EP300: variants seen among roughly 807,000 people sequenced by gnomAD.
The protein encoded by EP300 is EP300 lysine acetyltransferase, also known as histone acetyltransferase p300.
Under a neutral mutation model 264.0 loss-of-function variants are expected in EP300, and 31 were observed. That is an observed-to-expected ratio of 0.12 (90% confidence interval 0.09 to 0.16). The LOEUF is 0.16. EP300 is among the 10% of genes least tolerant of loss of function. The probability of loss-of-function intolerance (pLI) is 1.00; values close to 1 mark genes in which losing one functional copy is unlikely to be tolerated. For synonymous variants in EP300, 1,340 were observed against 1,045.4 expected (o/e 1.28, Z -5.44); for missense variants, 2,766 against 3,052.9 (o/e 0.91, Z 2.21).
chr22:41,106,827 G>A (rs1490716088), intron 1 of EP300, among the ~76,000 whole-genome samples: 2 of 152,080 alleles, frequency 1.3e-5, no homozygotes, highest in Admixed American at 1.3e-4. Context: ...AAACTCCTGG[G>A]CTCAAGCAGC....
At chr22:41,100,075 T>C (rs559847755) in intron 1 of EP300, among the ~76,000 whole-genome samples, 121 of 151,982 alleles carry the variant, frequency 8.0e-4, no homozygotes, top group African/African-American at 2.9e-3. Context: ...AGAAAAAAAA[T>C]TTAAAAAGTC....
In EP300 at chr22:41,092,969, TG is replaced by T. The variant is rs1459032415; in HGVS notation, c.-34del. ...CGAAGAAGAGATTTCCTGAGGATTC[TG>T]GTTTTCCTCGCTTGTATCTCCGAAA... On this transcript the variant is annotated 5_prime_UTR_variant, in exon 1 of 31. Coordinates refer to ENST00000263253, the MANE Select transcript of EP300 (RefSeq NM_001429.4). 1 of 1,611,906 alleles carries T rather than the reference TG, an allele frequency of 6.2e-7. No individual in the cohort carries two copies. Among genetic ancestry groups the T allele is most frequent in the Admixed American group, 1.7e-5 (1 of 60,026 alleles).
At chr22:41,127,275 C>T (rs1466874154) in intron 3 of EP300, among the ~76,000 whole-genome samples, 2 of 152,034 alleles carry the variant, frequency 1.3e-5, no homozygotes, top group African/African-American at 2.4e-5. Context: ...ATTATACATA[C>T]TTATATCACT....
intron 9 of EP300, among the ~76,000 whole-genome samples, chr22:41,140,843 A>C (rs893095807): frequency 6.6e-6 from 1 of 152,204 alleles, no homozygotes; most frequent in Admixed American, 6.6e-5. Flanking sequence ...TCTTTTCACT[A>C]GAATATAATG....
In EP300 at chr22:41,137,067, A is replaced by G. The variant is rs549158348; in HGVS notation, c.1623-586A>G. Among the ~76,000 whole-genome samples, 5 of 86,614 alleles carry G rather than the reference A, an allele frequency of 5.8e-5. No homozygotes were observed. In the East Asian group the frequency reaches 1.1e-3, roughly 19 times the overall value. 56.8% of individuals were successfully genotyped at this position (86,614 alleles called of 152,430 possible). A position where few individuals can be genotyped will look rare whatever the true frequency, so the allele number is the denominator to read the frequency against. On this transcript the variant is annotated intron_variant, in intron 7 of 30. Transcript: ENST00000263253. The stretch of plus-strand genomic sequence containing the variant: ...AGAGCGACACGCCATCTCAAGAAGG[A>G]AAAAAAAATGGCTGGGCTCAGTGGC...
At position 41,178,220 on chromosome 22, in the gene EP300, T is replaced by A; in HGVS notation, c.6509T>A (p.Met2170Lys). The A allele has an allele frequency of 6.2e-7, 1 of 1,613,742 alleles. No homozygotes were observed. The highest frequency in any genetic ancestry group is 1.1e-5 in the South Asian group (1 of 91,056). ...GMSPQAQQMN[M>K]NHNTMPSQFR... is the part of the protein sequence containing the mutation. ...AGCCCCCAGGCTCAGCAGATGAACA[T>A]GAACCACAACACCATGCCTTCACAA... The change falls in exon 31 of 31, where the codon ATG becomes AAG. Residue 2170 changes from methionine to lysine, a missense_variant. Transcript: ENST00000263253.
chr22:41,178,967 TAG>T lies in EP300; in HGVS notation c.*12_*13del. The stretch of plus-strand genomic sequence containing the variant: ...CTAGACATACACTAGAGACACCTTG[TAG>T]TATTTTGGGAGCAAAAAAATTATTT... On this transcript the variant is annotated 3_prime_UTR_variant, in exon 31 of 31. Transcript: ENST00000263253. 5.9e-6 allele frequency: 5 copies of T among 851,018 alleles called. No individual in the cohort carries two copies. Among genetic ancestry groups the T allele is most frequent in the Non-Finnish European group, 8.0e-6 (5 of 621,996 alleles). The allele number at this position is 851,018 out of a possible 1,614,324, so 52.7% of individuals were successfully genotyped here.
intron 2 of EP300, among the ~76,000 whole-genome samples, chr22:41,123,313 A>G (rs559935148): frequency 6.6e-6 from 1 of 152,272 alleles, no homozygotes; most frequent in East Asian, 1.9e-4. Context: ...TGGAGGCTCA[A>G]GGAGCGTGAT....
chr22:41,105,388 G>A (rs2058753326), intron 1 of EP300, among the ~76,000 whole-genome samples: 1 of 150,532 alleles, frequency 6.6e-6, no homozygotes. Context: ...AAATGTTTTG[G>A]GTTTTTTTGT....
chr22:41,179,103 T>G lies in EP300; in HGVS notation c.*147T>G. The G allele has an allele frequency of 1.1e-6, 1 of 883,002 alleles. No homozygotes were observed. The highest frequency in any genetic ancestry group is 1.7e-6 in the Non-Finnish European group (1 of 584,238). The allele number at this position is 883,002 out of a possible 1,614,324, so 54.7% of individuals were successfully genotyped here. A position where few individuals can be genotyped will look rare whatever the true frequency, so the allele number is the denominator to read the frequency against. On this transcript the variant is annotated 3_prime_UTR_variant, in exon 31 of 31. Coordinates refer to ENST00000263253, the MANE Select transcript of EP300 (RefSeq NM_001429.4). ...GAACTGTGCAGTAGCCGTTTGTGGT[T>G]TAAAGCAAACATGCAAGATGAACCT... is the stretch of plus-strand genomic sequence containing the variant.
rs745639875 is a variant in EP300 at position 41,092,965 on chromosome 22, AT to A, written c.-38del. 1.9e-5 allele frequency: 31 copies of A among 1,610,600 alleles called. No homozygotes were observed. The African/African-American group carries it at 4.1e-4, about 21-fold the overall frequency. On this transcript the variant is annotated 5_prime_UTR_variant, in exon 1 of 31. Coordinates refer to ENST00000263253, the MANE Select transcript of EP300 (RefSeq NM_001429.4). ...GGGCCGAAGAAGAGATTTCCTGAGG[AT>A]TCTGGTTTTCCTCGCTTGTATCTCC...
chr22:41,095,751 TC>T (rs2058698786), intron 1 of EP300, among the ~76,000 whole-genome samples: 1 of 152,098 alleles, frequency 6.6e-6, no homozygotes, highest in Admixed American at 6.6e-5. Context: ...AGCCCGAAAT[TC>T]TAGCACCTAA....
chr22:41,109,511 A>G lies in EP300; in HGVS notation c.95-7676A>G, dbSNP rs141672403. On this transcript the variant is annotated intron_variant, in intron 1 of 30. Transcript: ENST00000263253. ...CACATTGAAAGTGCTGGATAAATGT[A>G]TGCTGTCATCATTGTAAGCTGGGCT... Among the ~76,000 whole-genome samples the G allele has an allele frequency of 1.4e-3, 211 of 152,314 alleles. 1 individual carries two copies. Among genetic ancestry groups the G allele is most frequent in the African/African-American group, 4.7e-3 (196 of 41,568 alleles).
In EP300 at chr22:41,149,937, G is replaced by T; in HGVS notation, c.2556G>T (p.Gln852His). ...PHHTPPSIGA[Q>H]QPPATTIPAP... Reference sequence around the variant, plus strand: ...ATACTCCCCCAAGCATAGGGGCTCAGCAGCCACCAGCAACAACAATTCCAG... The same window carrying T: ...ATACTCCCCCAAGCATAGGGGCTCATCAGCCACCAGCAACAACAATTCCAG... The change falls in exon 14 of 31, where the codon CAG (glutamine) becomes CAT (histidine). Residue 852 changes from glutamine to histidine, a missense_variant. Transcript: ENST00000263253. 4 of 1,613,316 alleles carry T rather than the reference G, an allele frequency of 2.5e-6. No individual in the cohort carries two copies. Among genetic ancestry groups the T allele is most frequent in the Non-Finnish European group, 3.4e-6 (4 of 1,179,820 alleles).
intron 2 of EP300, 128 bp downstream of exon 2, chr22:41,117,949 T>G: frequency 6.8e-7 from 1 of 1,463,264 alleles, no homozygotes. Flanking sequence ...TGTGCTGTCA[T>G]AAGTTTTAAG....
chr22:41,168,841 C>T lies in EP300; in HGVS notation c.4146C>T (p.Gly1382=), dbSNP rs2145763862. 2 of 1,614,198 alleles carry T rather than the reference C, an allele frequency of 1.2e-6. No individual in the cohort carries two copies. Among genetic ancestry groups the T allele is most frequent in the South Asian group, 2.2e-5 (2 of 91,084 alleles). ...CFFGMHVQEY[G]SDCPPPNQRR... Reference sequence around the variant, plus strand: ...TTGGCATGCATGTTCAAGAGTATGGCTCTGACTGCCCTCCACCCAACCAGA... The same window carrying T: ...TTGGCATGCATGTTCAAGAGTATGGTTCTGACTGCCCTCCACCCAACCAGA... Residue 1382 remains glycine (G), a synonymous_variant, in exon 25 of 31, where the codon GGC becomes GGT. Transcript: ENST00000263253.
At chr22:41,099,837 G>C (rs1307820719) in intron 1 of EP300, among the ~76,000 whole-genome samples, 1 of 152,176 alleles carries the variant, frequency 6.6e-6, no homozygotes, top group East Asian at 1.9e-4. Context: ...AGTGACAAAT[G>C]GCTGGTAGTT....
chr22:41,154,289 G>A (rs1601622791), intron 16 of EP300, among the ~76,000 whole-genome samples: 1 of 149,632 alleles, frequency 6.7e-6, no homozygotes, highest in African/African-American at 2.5e-5. Flanking sequence ...TCTAGTTTCT[G>A]ACTTGTTAAA....
chr22:41,131,426 A>C lies in EP300; in HGVS notation c.1321A>C (p.Ser441Arg). The C allele has an allele frequency of 6.2e-7, 1 of 1,614,068 alleles. No homozygotes were observed. The highest frequency in any genetic ancestry group is 1.3e-5 in the African/African-American group (1 of 75,020). The change falls in exon 6 of 31, where the codon AGC (serine) becomes CGC (arginine). Residue 441 changes from serine to arginine, a missense_variant. Ser to Arg is a moderately radical substitution (Grantham distance 110, BLOSUM62 -1). Coordinates refer to ENST00000263253, the MANE Select transcript of EP300 (RefSeq NM_001429.4). The stretch of plus-strand genomic sequence containing the variant: ...AGCACCCGTTGGACTTGGAAATCCT[A>C]GCTCTCTAGGGGTGGGTCAACAGTC... ...TGAPVGLGNPSSLGVGQQSAP... is the reference protein window; with the variant it reads ...TGAPVGLGNPRSLGVGQQSAP...
Sources: gnomAD v4.1 joint callset for allele counts (sites outside exome capture counted in the v4.1 genomes callset) on GRCh38, gnomAD v4.1.1 for gene constraint, MANE v1.5 for transcripts, NCBI Gene and HGNC (gene_info 2026-07-23, HGNC 2026-07-21) for gene names.